Variants in SNX13 observed in about 807,000 individuals in gnomAD.
The protein encoded by SNX13 is sorting nexin 13.
SNX13 carries 45 observed loss-of-function variants against 133.6 expected under a neutral mutation model. That is an observed-to-expected ratio of 0.34 (90% confidence interval 0.27 to 0.43). The LOEUF is 0.43. Among genes scored for constraint, SNX13 ranks in the 20% least tolerant of loss-of-function variants. The pLI is 1.00. For synonymous variants in SNX13, 414 were observed against 373.9 expected, an observed-to-expected ratio of 1.11 and a Z score of -1.24; for missense variants, 1,032 against 1,145.1, an observed-to-expected ratio of 0.90 and a Z score of 1.43.
At chr7:17,845,295 C>T (rs1790366001) in intron 12 of SNX13, among the ~76,000 whole-genome samples, 1 of 152,068 alleles carries the variant, frequency 6.6e-6, no homozygotes, top group Admixed American at 6.6e-5. Context: ...AAATACTGTA[C>T]AATTCCACCT....
intron 15 of SNX13, chr7:17,830,676 A>G: frequency 2.0e-6 from 2 of 981,874 alleles, no homozygotes; most frequent in South Asian, 9.4e-5. Flanking sequence ...ATGCTGGATT[A>G]TTAACATTAA....
intron 1 of SNX13, among the ~76,000 whole-genome samples, chr7:17,915,255 C>T (rs1364599278): frequency 2.0e-5 from 3 of 152,156 alleles, no homozygotes; most frequent in African/African-American, 4.8e-5. Flanking sequence ...CCAGGACCCC[C>T]GCCCCTCTAT....
intron 8 of SNX13, among the ~76,000 whole-genome samples, chr7:17,869,137 G>T (rs953976667): frequency 6.6e-6 from 1 of 151,930 alleles, no homozygotes; most frequent in Non-Finnish European, 1.5e-5. Flanking sequence ...AATAAATCTT[G>T]ATCATTCCAA....
At chr7:17,812,699 T>G (rs537329721) in intron 20 of SNX13, among the ~76,000 whole-genome samples, 84 of 152,324 alleles carry the variant, frequency 5.5e-4, no homozygotes, top group African/African-American at 2.0e-3. Context: ...TGCACACGTA[T>G]GTTTATTGCA....
rs1200255894 is a variant in SNX13 at position 17,920,582 on chromosome 7, G to A, written c.12+19702C>T. On this transcript the variant is annotated intron_variant, in intron 1 of 25. Transcript: ENST00000428135. ...TGAAAAAATACAGAAATCAAGTTACGTGTCAAATTAATAAAATGAGTTGCA... is the reference window on the plus strand; with the variant it reads ...TGAAAAAATACAGAAATCAAGTTACATGTCAAATTAATAAAATGAGTTGCA... Among the ~76,000 whole-genome samples, 18 of 152,222 alleles carry A rather than the reference G, an allele frequency of 1.2e-4. No homozygotes were observed. In the East Asian group the frequency reaches 1.7e-3, roughly 15 times the overall value.
intron 1 of SNX13, among the ~76,000 whole-genome samples, chr7:17,933,672 C>T (rs540535840): frequency 9.2e-5 from 14 of 151,876 alleles, no homozygotes; most frequent in Admixed American, 5.9e-4. Context: ...CCTGTAACTG[C>T]ACCACTAGCC....
At chr7:17,809,282 C>CAAAAAG (rs1785707414) in intron 20 of SNX13, among the ~76,000 whole-genome samples, 1 of 49,274 alleles carries the variant, frequency 2.0e-5, no homozygotes, top group Non-Finnish European at 3.5e-5. Flanking sequence ...AGATGGAAAG[C>CAAAAAG]AAAAAAAAAA....
intron 12 of SNX13, 72 bp downstream of exon 12, chr7:17,845,523 G>A (rs1432322159): frequency 1.1e-6 from 1 of 897,430 alleles, no homozygotes; most frequent in Non-Finnish European, 1.7e-6. Context: ...TAAATTTTAT[G>A]TGTATTTTAC....
At chr7:17,851,629 A>G (rs1791219353) in intron 9 of SNX13, among the ~76,000 whole-genome samples, 1 of 150,854 alleles carries the variant, frequency 6.6e-6, no homozygotes, top group South Asian at 2.1e-4. Flanking sequence ...ACATAGAACT[A>G]CACTAACATC....
At chr7:17,857,512 C>T (rs936848289) in intron 9 of SNX13, among the ~76,000 whole-genome samples, 6 of 152,062 alleles carry the variant, frequency 3.9e-5, no homozygotes, top group Non-Finnish European at 5.9e-5. Flanking sequence ...TGGCCAGGTG[C>T]GGTGGCTCAC....
At chr7:17,919,496 AATG>A (rs1214560965) in intron 1 of SNX13, among the ~76,000 whole-genome samples, 1 of 152,202 alleles carries the variant, frequency 6.6e-6, no homozygotes, top group East Asian at 1.9e-4. Flanking sequence ...TTCTCAGCCA[AATG>A]ATGTCACCTA....
intron 11 of SNX13, among the ~76,000 whole-genome samples, chr7:17,846,734 T>C (rs936790898): frequency 4.7e-4 from 72 of 152,118 alleles, no homozygotes; most frequent in African/African-American, 1.7e-3. Context: ...TAATAACAGC[T>C]AACTGACTTT....
chr7:17,833,423 T>C (rs1395199971), intron 15 of SNX13, among the ~76,000 whole-genome samples: 1 of 151,698 alleles, frequency 6.6e-6, no homozygotes, highest in Admixed American at 6.6e-5. Context: ...CTTGAAGAAT[T>C]TAAGCAGTTG....
rs200002682 is a variant in SNX13 at position 17,825,983 on chromosome 7, A to G, written c.1705+39T>C. 297 of 1,321,352 alleles carry G rather than the reference A, an allele frequency of 2.2e-4. 3 individuals carry two copies. The African/African-American group carries it at 3.9e-3, about 18-fold the overall frequency. The allele number at this position is 1,321,352 out of a possible 1,614,324, so 81.9% of individuals were successfully genotyped here. ...AAATTATTTAGGGATATAATAATACATAGTTTTAATGCAATAATTATACTT... is the reference window on the plus strand; with the variant it reads ...AAATTATTTAGGGATATAATAATACGTAGTTTTAATGCAATAATTATACTT... On this transcript the variant is annotated intron_variant, in intron 17 of 25. Transcript: ENST00000428135.
chr7:17,916,147 G>T (rs368769885), intron 1 of SNX13, among the ~76,000 whole-genome samples: 1 of 152,124 alleles, frequency 6.6e-6, no homozygotes, highest in African/African-American at 2.4e-5. Flanking sequence ...GACAAACACA[G>T]TGTTAAGAGG....
intron 13 of SNX13, among the ~76,000 whole-genome samples, chr7:17,836,380 G>A (rs1255181791): frequency 1.3e-5 from 2 of 151,998 alleles, no homozygotes; most frequent in Non-Finnish European, 2.9e-5. Context: ...TTAGCTGGAT[G>A]TGGGTGCATG....
At chr7:17,939,548 A>T in intron 1 of SNX13, among the ~76,000 whole-genome samples, 1 of 152,216 alleles carries the variant, frequency 6.6e-6, no homozygotes, top group East Asian at 1.9e-4. Flanking sequence ...TGCAATGCCC[A>T]TTAGGCACTA....
At chr7:17,907,460 C>A (rs1475400415) in intron 1 of SNX13, 1 of 152,120 alleles carries the variant, frequency 6.6e-6, no homozygotes. Context: ...TTTACCTGAC[C>A]AACAACAGCA....
chr7:17,893,460 T>C, intron 2 of SNX13, 26 bp from the exon 3 acceptor site: 1 of 1,371,382 alleles, frequency 7.3e-7, no homozygotes, highest in Non-Finnish European at 1.0e-6. Flanking sequence ...TAATCACAAA[T>C]ATAAAAACAA....
Sources: allele counts gnomAD v4.1 joint callset (sites outside exome capture counted in the v4.1 genomes callset), GRCh38; gene constraint gnomAD v4.1.1; transcripts MANE v1.5; gene names NCBI Gene and HGNC (gene_info 2026-07-23, HGNC 2026-07-21).